The following ZFTRAF1 variants were observed in gnomAD, a reference collection of about 807,000 sequenced individuals.
ZFTRAF1 encodes the protein zinc finger TRAF-type-containing protein 1.
chr8:144,453,406 C>A, the ZFTRAF1 span: 1 of 1,551,206 alleles, frequency 6.4e-7, no homozygotes, highest in Middle Eastern at 1.7e-4. Context: ...TTCAGCCGGG[C>A]ATCTGCTAGT....
the ZFTRAF1 span, chr8:144,450,173 A>C: frequency 3.6e-6 from 2 of 549,086 alleles, no homozygotes; most frequent in Non-Finnish European, 3.3e-6. Context: ...GGCCCTCGGA[A>C]GGAGGGGAGG....
chr8:144,459,372 C>T, the ZFTRAF1 span, among the ~76,000 whole-genome samples: 2 of 152,256 alleles, frequency 1.3e-5, no homozygotes, highest in Non-Finnish European at 2.9e-5. Flanking sequence ...GGCCAGTCCC[C>T]CAGAACATAT....
chr8:144,452,577 G>T, the ZFTRAF1 span: 2 of 1,535,642 alleles, frequency 1.3e-6, no homozygotes, highest in Non-Finnish European at 1.7e-6. Flanking sequence ...TACCCTGGGG[G>T]AGGCAGGTAC....
the ZFTRAF1 span, chr8:144,456,700 ACATGGGGAATGACAT>A: frequency 9.9e-5 from 15 of 151,976 alleles, no homozygotes; most frequent in African/African-American, 3.1e-4. Context: ...AATTGACATC[ACATGGGGAATGACAT>A]CATGGGGGAG....
At chr8:144,459,740 G>T in the ZFTRAF1 span, among the ~76,000 whole-genome samples, 1 of 152,144 alleles carries the variant, frequency 6.6e-6, no homozygotes, top group Non-Finnish European at 1.5e-5. Context: ...ACAAAGCTCA[G>T]CATGGCCACT....
At chr8:144,452,694 C>T in the ZFTRAF1 span, 2 of 878,818 alleles carry the variant, frequency 2.3e-6, no homozygotes, top group South Asian at 1.7e-5. Flanking sequence ...TAACTGTGAG[C>T]CCACCCCCCA....
chr8:144,461,742 T>C, the ZFTRAF1 span, among the ~76,000 whole-genome samples: 18 of 152,072 alleles, frequency 1.2e-4, no homozygotes, highest in Non-Finnish European at 2.4e-4. Context: ...GAACTGGAAA[T>C]GGACCAAGAG....
the ZFTRAF1 span, among the ~76,000 whole-genome samples, chr8:144,459,769 T>G: frequency 6.6e-6 from 1 of 152,066 alleles, no homozygotes; most frequent in Admixed American, 6.5e-5. Context: ...CTCACCAGAG[T>G]CAGGGACTGT....
At chr8:144,456,623 GC>G in the ZFTRAF1 span, 4 of 152,224 alleles carry the variant, frequency 2.6e-5, no homozygotes, top group South Asian at 8.3e-4. Context: ...CAAGAATGAC[GC>G]CATGGGGGAT....
chr8:144,453,084 C>A, the ZFTRAF1 span: 1 of 760,318 alleles, frequency 1.3e-6, no homozygotes, highest in Non-Finnish European at 2.1e-6. Context: ...AGGGCCGTCA[C>A]TGGGCTACAC....
the ZFTRAF1 span, chr8:144,455,825 C>T: frequency 6.6e-6 from 1 of 152,238 alleles, no homozygotes; most frequent in African/African-American, 2.4e-5. Flanking sequence ...GGTCCTAGAC[C>T]CTCCTAAGGG....
chr8:144,453,082 C>T, the ZFTRAF1 span: 4 of 745,630 alleles, frequency 5.4e-6, no homozygotes, highest in Admixed American at 2.8e-5. Context: ...ACAGGGCCGT[C>T]ACTGGGCTAC....
chr8:144,462,136 G>A, the ZFTRAF1 span: 8 of 356,352 alleles, frequency 2.2e-5, no homozygotes, highest in Non-Finnish European at 3.5e-5. Flanking sequence ...AGCCCCGCTG[G>A]GCGAGGAAGT....
chr8:144,450,368 G>C, the ZFTRAF1 span: 1 of 709,800 alleles, frequency 1.4e-6, no homozygotes, highest in Non-Finnish European at 2.6e-6. Flanking sequence ...CGGACATCCT[G>C]AGGCCCCGCC....
At chr8:144,450,293 C>A in the ZFTRAF1 span, 1 of 658,450 alleles carries the variant, frequency 1.5e-6, no homozygotes, top group South Asian at 1.7e-5. Context: ...ATCAGATAGT[C>A]CTGTGAAGCA....
chr8:144,452,041 G>A, the ZFTRAF1 span: 12 of 417,454 alleles, frequency 2.9e-5, no homozygotes, highest in African/African-American at 2.2e-4. Flanking sequence ...GACCCTGACT[G>A]TCTTGAGGCT....
the ZFTRAF1 span, chr8:144,450,850 C>T: frequency 9.7e-6 from 6 of 615,614 alleles, no homozygotes; most frequent in South Asian, 3.8e-5. Flanking sequence ...CTGACCAGGC[C>T]GAGGGCAGGC....
At chr8:144,451,439 T>C in the ZFTRAF1 span, 1 of 153,894 alleles carries the variant, frequency 6.5e-6, no homozygotes, top group South Asian at 2.1e-4. Flanking sequence ...GAGGCCCCGG[T>C]ATCTCCAGGA....
the ZFTRAF1 span, among the ~76,000 whole-genome samples, chr8:144,458,393 G>A: frequency 6.6e-6 from 1 of 152,242 alleles, no homozygotes; most frequent in Non-Finnish European, 1.5e-5. Context: ...AGATACCTAA[G>A]CAGACGTATT....
Sources: allele counts gnomAD v4.1 joint callset (sites outside exome capture counted in the v4.1 genomes callset), GRCh38; gene constraint gnomAD v4.1.1; transcripts MANE v1.5; gene names NCBI Gene and HGNC (gene_info 2026-07-23, HGNC 2026-07-21).